Variants in ZNF562 observed in about 807,000 individuals in gnomAD.
The protein encoded by ZNF562 is zinc finger protein 562.
In ZNF562, 13 loss-of-function variants were observed where a neutral mutation model predicts 17.5. The ratio of observed to expected loss-of-function variants is 0.74; its 90% CI spans 0.48 to 1.18. ZNF562 has a LOEUF of 1.18. ZNF562 is among the 50% of genes most tolerant of loss of function. ZNF562 has a pLI of 0.00. For missense variants in ZNF562, 481 were observed against 498.5 expected, an observed-to-expected ratio of 0.96 and a Z score of 0.33; for synonymous variants, 163 against 165.4, an observed-to-expected ratio of 0.99 and a Z score of 0.11.
chr19:9,654,455 GATTTATTT>G (rs1009756239), intron 5 of ZNF562, among the ~76,000 whole-genome samples: 1 of 151,844 alleles, frequency 6.6e-6, no homozygotes, highest in Admixed American at 6.6e-5. Flanking sequence ...CCAATTTTTT[GATTTATTT>G]ATTTATTTTA....
intron 1 of ZNF562, among the ~76,000 whole-genome samples, chr19:9,665,314 C>T (rs2043914155): frequency 6.6e-6 from 1 of 151,888 alleles, no homozygotes; most frequent in Non-Finnish European, 1.5e-5. Context: ...ATCCACAACA[C>T]CCTTCTCCTT....
chr19:9,667,753 CTT>C (rs898773908), intron 1 of ZNF562, among the ~76,000 whole-genome samples: 3 of 145,140 alleles, frequency 2.1e-5, no homozygotes, highest in Non-Finnish European at 3.1e-5. Context: ...ACAATGCTAA[CTT>C]TTTTTTTTTT....
chr19:9,669,724 GCGCGCGCGCGCACACACACACA>G (rs1401395714), intron 1 of ZNF562, among the ~76,000 whole-genome samples: 3 of 77,980 alleles, frequency 3.8e-5, no homozygotes, highest in Admixed American at 3.5e-4. Context: ...GCGAGCGCGC[GCGCGCGCGCGCACACACACACA>G]CACACACACA....
intron 1 of ZNF562, among the ~76,000 whole-genome samples, chr19:9,666,235 A>G (rs1422122237): frequency 1.3e-5 from 2 of 151,554 alleles, no homozygotes; most frequent in East Asian, 3.9e-4. Context: ...AAGCAGGAGA[A>G]TCGCTTGAAT....
chr19:9,665,960 A>G (rs1423090), intron 1 of ZNF562, among the ~76,000 whole-genome samples: 53,258 of 151,020 alleles, frequency 0.35, 13,247 homozygotes, highest in African/African-American at 0.7. Context: ...AGTAAGCCAT[A>G]ATCACACCAC....
At chr19:9,668,179 C>T (rs972936869) in intron 1 of ZNF562, among the ~76,000 whole-genome samples, 26 of 151,956 alleles carry the variant, frequency 1.7e-4, no homozygotes, top group Admixed American at 2.0e-4. Context: ...AGTTCAAGAC[C>T]AGCCTGGGCA....
At chr19:9,663,542 C>A (rs1189750805) in intron 1 of ZNF562, among the ~76,000 whole-genome samples, 1 of 152,112 alleles carries the variant, frequency 6.6e-6, no homozygotes, top group Non-Finnish European at 1.5e-5. Flanking sequence ...TTCCAAAAAT[C>A]ATCACACTGG....
intron 1 of ZNF562, among the ~76,000 whole-genome samples, chr19:9,672,355 T>C (rs1003938766): frequency 6.6e-6 from 1 of 152,154 alleles, no homozygotes; most frequent in Non-Finnish European, 1.5e-5. Context: ...TTTTAGGAGG[T>C]GCATTACAAA....
Position 9,652,942 on chromosome 19 carries a change from C to T in ZNF562, c.*7G>A. The T allele has an allele frequency of 2.0e-6, 3 of 1,475,242 alleles. No individual in the cohort carries two copies. The highest frequency in any genetic ancestry group is 2.4e-5 in the Admixed American group (1 of 41,848). 91.4% of individuals were successfully genotyped at this position (1,475,242 alleles called of 1,614,324 possible). On this transcript the variant is annotated 3_prime_UTR_variant, in exon 6 of 6. Transcript: ENST00000453372. ...AATACAGAAATTCTTTCCCACATAT[C>T]TTGCATTTACCTTTCTCCACTGTGA...
chr19:9,660,435 T>A (rs1277131557), intron 2 of ZNF562, among the ~76,000 whole-genome samples: 4 of 152,016 alleles, frequency 2.6e-5, no homozygotes, highest in Admixed American at 6.6e-5. Context: ...AAGACCGGCC[T>A]GACCAACATG....
At chr19:9,668,624 T>C (rs1321471014) in intron 1 of ZNF562, among the ~76,000 whole-genome samples, 21 of 152,076 alleles carry the variant, frequency 1.4e-4, no homozygotes, top group Non-Finnish European at 1.5e-5. Flanking sequence ...CTAAAATTTA[T>C]ATGCAACAAT....
chr19:9,672,810 G>A (rs1366110968), intron 1 of ZNF562, among the ~76,000 whole-genome samples: 7 of 121,660 alleles, frequency 5.8e-5, no homozygotes, highest in South Asian at 2.5e-4. Flanking sequence ...AGACAGTTTC[G>A]CTCTTGTCAC....
chr19:9,658,025 C>T lies in ZNF562; in HGVS notation c.225G>A (p.Met75Ile). 6.2e-7 allele frequency: 1 copy of T among 1,612,904 alleles called. No homozygotes were observed. Among genetic ancestry groups the T allele is most frequent in the African/African-American group, 1.3e-5 (1 of 74,990 alleles). Residue 75 changes from methionine to isoleucine, a missense_variant, in exon 4 of 6, where the codon ATG becomes ATA. Physicochemically the swap from Met to Ile is conservative, Grantham distance 10. This residue lies in a region of ZNF562 where 403 missense variants were observed against 386.4 expected (regional missense o/e 1.04). Transcript: ENST00000453372. ...LYRDVMLENY[M>I]NLASVDFFFC... ...TACTCTTACCCACAGAGGCCAGGTTCATGTAGTTCTCCAGCATCACATCTC... is the reference window on the plus strand; with the variant it reads ...TACTCTTACCCACAGAGGCCAGGTTTATGTAGTTCTCCAGCATCACATCTC...
chr19:9,671,624 G>A (rs989067451), intron 1 of ZNF562, among the ~76,000 whole-genome samples: 3 of 152,200 alleles, frequency 2.0e-5, no homozygotes, highest in African/African-American at 7.2e-5. Flanking sequence ...GTAGACAAGA[G>A]CAATTTCAGG....
chr19:9,673,619 G>C (rs1485141898), intron 1 of ZNF562, among the ~76,000 whole-genome samples: 1 of 151,980 alleles, frequency 6.6e-6, no homozygotes, highest in Non-Finnish European at 1.5e-5. Flanking sequence ...AGAAAGGCTT[G>C]CAGCTGGTAA....
intron 1 of ZNF562, among the ~76,000 whole-genome samples, chr19:9,661,747 A>G (rs941542575): frequency 1.3e-5 from 2 of 152,116 alleles, no homozygotes; most frequent in African/African-American, 2.4e-5. Flanking sequence ...GTGAGCTGAG[A>G]CTGTGCCATC....
intron 5 of ZNF562, among the ~76,000 whole-genome samples, chr19:9,654,522 C>G (rs986668744): frequency 6.6e-6 from 1 of 151,916 alleles, no homozygotes; most frequent in African/African-American, 2.4e-5. Context: ...AGTGCAGTGT[C>G]ACGATTTCGG....
chr19:9,668,493 T>C (rs2044032436), intron 1 of ZNF562, among the ~76,000 whole-genome samples: 1 of 151,952 alleles, frequency 6.6e-6, no homozygotes, highest in East Asian at 1.9e-4. Flanking sequence ...GGAAAGACAT[T>C]CCATGCTCAT....
At chr19:9,660,675 G>T (rs754443292) in intron 2 of ZNF562, 45 bp downstream of exon 2, 2 of 1,604,194 alleles carry the variant, frequency 1.2e-6, no homozygotes, top group African/African-American at 1.3e-5. Flanking sequence ...TGTGGAGGGC[G>T]ACCTAAAGCA....
Sources: allele counts gnomAD v4.1 joint callset (sites outside exome capture counted in the v4.1 genomes callset), GRCh38; gene constraint gnomAD v4.1.1; regional missense constraint gnomAD v4.1.1; transcripts MANE v1.5; gene names NCBI Gene and HGNC (gene_info 2026-07-23, HGNC 2026-07-21).